Variants in CASK observed in about 807,000 individuals in gnomAD.
The protein encoded by CASK is calcium/calmodulin dependent serine protein kinase, also known as peripheral plasma membrane protein CASK.
Under a neutral mutation model 82.9 loss-of-function variants are expected in CASK, and 4 were observed. The ratio of observed to expected loss-of-function variants is 0.05; its 90% CI spans 0.02 to 0.11. The LOEUF is 0.11. CASK is among the 10% of genes least tolerant of loss of function. CASK has a pLI of 1.00. For synonymous variants in CASK, 259 were observed against 253.5 expected (o/e 1.02, Z -0.20); for missense variants, 358 against 720.9 (o/e 0.50, Z 5.76).
At chrX:41,869,836 A>AT (rs2071670333) in intron 1 of CASK, among the ~76,000 whole-genome samples, 2 of 97,456 alleles carry the variant, frequency 2.1e-5, no homozygotes, top group Non-Finnish European at 4.1e-5. Context: ...AAAAAAAAAA[A>AT]GCCAAAATTT....
chrX:41,542,033 T>G (rs1394700708), intron 22 of CASK, among the ~76,000 whole-genome samples: 1 of 112,352 alleles, frequency 8.9e-6, no homozygotes, highest in African/African-American at 3.2e-5. Flanking sequence ...ATTCCAGTTT[T>G]CAACAAGACA....
At position 41,857,502 on chromosome X, in the gene CASK, A is replaced by C. The variant is rs747615834; in HGVS notation, c.60-4275T>G. On this transcript the variant is annotated intron_variant, in intron 1 of 26. Coordinates refer to ENST00000378163, the MANE Select transcript of CASK (RefSeq NM_001367721.1). ...GCAACTTAGAGGAAACACACTACAC[A>C]ATAAGACTTCAAATTACCATTAATA... Among the ~76,000 whole-genome samples, 3 of 112,009 alleles carry C rather than the reference A, an allele frequency of 2.7e-5. No homozygotes were observed. In the South Asian group the frequency reaches 1.1e-3, roughly 42 times the overall value.
chrX:41,854,207 C>G (rs768319824), intron 1 of CASK, among the ~76,000 whole-genome samples: 3 of 96,941 alleles, frequency 3.1e-5, no homozygotes, highest in South Asian at 1.0e-3. Context: ...GGAACATGCG[C>G]GCGCGCGCGG....
chrX:41,698,898 T>A (rs2067740846), intron 5 of CASK, among the ~76,000 whole-genome samples: 1 of 111,420 alleles, frequency 9.0e-6, no homozygotes, highest in Non-Finnish European at 1.9e-5. Context: ...TTAATGAGAT[T>A]TGGCTTGTAT....
chrX:41,845,509 G>A (rs1207654098), intron 2 of CASK, among the ~76,000 whole-genome samples: 1 of 111,379 alleles, frequency 9.0e-6, no homozygotes, highest in Non-Finnish European at 1.9e-5. Context: ...TCTGATATTA[G>A]TAATAGCCAC....
rs190206332 is a variant in CASK at position 41,583,744 on chromosome X, G to A, written c.1314+3163C>T. ...TTATAAGCGTGAGCCACAGTTCCTG[G>A]CATTTTTTACTTTTTGAGACAGGGT... On this transcript the variant is annotated intron_variant, in intron 14 of 26. Transcript: ENST00000378163. Among the ~76,000 whole-genome samples, 67 of 109,826 alleles carry A rather than the reference G, an allele frequency of 6.1e-4. 3 individuals carry two copies. In the East Asian group the frequency reaches 8.6e-3, roughly 14 times the overall value.
intron 3 of CASK, among the ~76,000 whole-genome samples, chrX:41,770,242 AATCTATCTATCTATC>A (rs1210211039): frequency 2.8e-5 from 3 of 106,464 alleles, no homozygotes; most frequent in East Asian, 5.9e-4. Flanking sequence ...AAAATAATAC[AATCTATCTATCTATC>A]ATCTATCTAT....
intron 2 of CASK, among the ~76,000 whole-genome samples, chrX:41,814,893 G>T (rs1026615853): frequency 9.0e-6 from 1 of 111,642 alleles, no homozygotes; most frequent in Non-Finnish European, 1.9e-5. Flanking sequence ...TGAGACAATA[G>T]GCAGTAAAAG....
intron 2 of CASK, among the ~76,000 whole-genome samples, chrX:41,793,855 A>G (rs2069785225): frequency 8.9e-6 from 1 of 111,915 alleles, no homozygotes; most frequent in Non-Finnish European, 1.9e-5. Context: ...AGCAAAGTCA[A>G]TTTCTGCTGC....
At chrX:41,670,126 G>C (rs1304199747) in intron 6 of CASK, among the ~76,000 whole-genome samples, 2 of 111,996 alleles carry the variant, frequency 1.8e-5, no homozygotes, top group African/African-American at 3.3e-5. Flanking sequence ...TTTGCTCTCT[G>C]AGGTTTAATA....
chrX:41,869,812 CAAA>C (rs72190097), intron 1 of CASK, among the ~76,000 whole-genome samples: 170 of 12,084 alleles, frequency 0.014, 1 homozygote, highest in African/African-American at 0.024. Flanking sequence ...GACTCTGTCT[CAAA>C]AAAAAAAAAA....
At chrX:41,611,850 C>T (rs968015798) in intron 11 of CASK, among the ~76,000 whole-genome samples, 1 of 110,820 alleles carries the variant, frequency 9.0e-6, no homozygotes, top group African/African-American at 3.3e-5. Context: ...AGGCGCGCGC[C>T]GCCACGCCTG....
chrX:41,656,083 G>A (rs1302039857), intron 8 of CASK, among the ~76,000 whole-genome samples: 1 of 111,930 alleles, frequency 8.9e-6, no homozygotes, highest in Non-Finnish European at 1.9e-5. Context: ...TTGACAAGCA[G>A]AGAACCCTGT....
At chrX:41,759,463 C>G (rs147054847) in intron 3 of CASK, among the ~76,000 whole-genome samples, 5 of 111,580 alleles carry the variant, frequency 4.5e-5, no homozygotes, top group African/African-American at 1.6e-4. Flanking sequence ...TGTGGTAGTT[C>G]TGTGGGTCTA....
chrX:41,665,711 G>C, intron 6 of CASK: 1 of 390,650 alleles, frequency 2.6e-6, no homozygotes, highest in Non-Finnish European at 4.4e-6. Flanking sequence ...TGCATGCTAC[G>C]TAGTAGGTAT....
At chrX:41,849,956 A>T (rs1444709466) in intron 2 of CASK, among the ~76,000 whole-genome samples, 1 of 112,161 alleles carries the variant, frequency 8.9e-6, no homozygotes, top group Non-Finnish European at 1.9e-5. Context: ...AGGTGGGTAG[A>T]TCACTTGAGC....
chrX:41,638,448 G>A (rs2066594947), intron 8 of CASK, among the ~76,000 whole-genome samples: 1 of 111,020 alleles, frequency 9.0e-6, no homozygotes, highest in Non-Finnish European at 1.9e-5. Flanking sequence ...AGCTACTTGG[G>A]AGGCTGAGGA....
At chrX:41,798,394 C>T (rs1274302761) in intron 2 of CASK, among the ~76,000 whole-genome samples, 4 of 112,707 alleles carry the variant, frequency 3.5e-5, no homozygotes, top group Non-Finnish European at 5.6e-5. Context: ...CAATAACCAT[C>T]AGCTAACATT....
intron 2 of CASK, chrX:41,790,223 C>G: frequency 1.0e-6 from 1 of 993,836 alleles, no homozygotes. Flanking sequence ...TGGTTCATAT[C>G]CATCAGCTCG....
Sources: allele counts gnomAD v4.1 joint callset (sites outside exome capture counted in the v4.1 genomes callset), GRCh38; gene constraint gnomAD v4.1.1; transcripts MANE v1.5; gene names NCBI Gene and HGNC (gene_info 2026-07-23, HGNC 2026-07-21).